The following GRID2 variants were observed in gnomAD, a reference collection of about 807,000 sequenced individuals.
GRID2 encodes glutamate ionotropic receptor delta type subunit 2, also known as glutamate receptor ionotropic, delta-2.
Under a neutral mutation model 114.8 loss-of-function variants are expected in GRID2, and 33 were observed. That is an observed-to-expected ratio of 0.29 (90% CI 0.22 to 0.38). The LOEUF (loss-of-function observed/expected upper bound fraction) is 0.38. GRID2 is among the 10% of genes least tolerant of loss of function. The probability of loss-of-function intolerance (pLI) is 1.00; values close to 1 mark genes in which losing one functional copy is unlikely to be tolerated. For missense variants in GRID2, 1,184 were observed against 1,257.7 expected, an observed-to-expected ratio of 0.94 and a Z score of 0.89; for synonymous variants, 505 against 449.9, an observed-to-expected ratio of 1.12 and a Z score of -1.55.
At chr4:92,449,676 G>GATATATAT (rs371209786) in intron 1 of GRID2, among the ~76,000 whole-genome samples, 6,397 of 96,390 alleles carry the variant, frequency 0.066, 352 homozygotes, top group South Asian at 0.087. Flanking sequence ...TTTTCTTACT[G>GATATATAT]ATATATATAT....
rs529202905 is a variant in GRID2 at position 92,934,845 on chromosome 4, C to A, written c.245-150150C>A. 2.0e-5 allele frequency among the ~76,000 whole-genome samples: 3 copies of A among 147,092 alleles called. 1 individual carries two copies. The South Asian group carries it at 6.9e-4, about 34-fold the overall frequency. On this transcript the variant is annotated intron_variant, in intron 2 of 15. Transcript: ENST00000282020. ...AAACTGACTAGCCATATGTAGAAAG[C>A]TGAAACTGGATCCCTTCCTTACACC...
At chr4:93,371,365 T>C (rs1762897773) in intron 8 of GRID2, among the ~76,000 whole-genome samples, 1 of 152,162 alleles carries the variant, frequency 6.6e-6, no homozygotes, top group African/African-American at 2.4e-5. Flanking sequence ...TATTCCTTTT[T>C]TTTTTGTTTT....
At chr4:93,335,669 TTCTC>T (rs759474503) in intron 8 of GRID2, among the ~76,000 whole-genome samples, 1 of 144,586 alleles carries the variant, frequency 6.9e-6, no homozygotes, top group African/African-American at 2.7e-5. Context: ...TTCTTGTTTT[TTCTC>T]TCTCTCTTTC....
chr4:93,429,618 A>T (rs1350155003), intron 10 of GRID2, among the ~76,000 whole-genome samples: 3 of 152,208 alleles, frequency 2.0e-5, no homozygotes, highest in African/African-American at 7.2e-5. Flanking sequence ...AAATTATATG[A>T]CAAGAATTTT....
At chr4:93,014,120 A>G (rs1384056792) in intron 2 of GRID2, among the ~76,000 whole-genome samples, 2 of 152,080 alleles carry the variant, frequency 1.3e-5, no homozygotes, top group African/African-American at 4.8e-5. Context: ...GCTTATAGAA[A>G]TATGGGTGTT....
At chr4:92,308,366 C>T (rs1421851316) in intron 1 of GRID2, among the ~76,000 whole-genome samples, 2 of 152,124 alleles carry the variant, frequency 1.3e-5, no homozygotes, top group Non-Finnish European at 2.9e-5. Context: ...AAACAGTGTA[C>T]TTATTCATAT....
rs77832872 is a variant in GRID2, at chr4:92,461,320, C to A, written c.89-128811C>A. 6.2e-4 allele frequency among the ~76,000 whole-genome samples: 95 copies of A among 152,006 alleles called. No homozygotes were observed. In the East Asian group the frequency reaches 0.018, roughly 29 times the overall value. Reference sequence around the variant, plus strand: ...CATACAGCAGGTCCTTGAATAACATCATTTTGCTCAACATCATTTTCTTAT... The same window carrying A: ...CATACAGCAGGTCCTTGAATAACATAATTTTGCTCAACATCATTTTCTTAT... On this transcript the variant is annotated intron_variant, in intron 1 of 15. Transcript: ENST00000282020.
chr4:93,184,189 A>G (rs1740171961), intron 4 of GRID2, among the ~76,000 whole-genome samples: 1 of 152,156 alleles, frequency 6.6e-6, no homozygotes, highest in Non-Finnish European at 1.5e-5. Flanking sequence ...CAAGAAAGGC[A>G]GGTTCCAGTA....
intron 4 of GRID2, among the ~76,000 whole-genome samples, chr4:93,139,356 C>G (rs1735551834): frequency 6.6e-6 from 1 of 152,138 alleles, no homozygotes. Flanking sequence ...ATACACTGAA[C>G]ACATTATTCT....
At chr4:93,188,955 T>A (rs1341704272) in intron 4 of GRID2, among the ~76,000 whole-genome samples, 1 of 152,132 alleles carries the variant, frequency 6.6e-6, no homozygotes, top group East Asian at 1.9e-4. Context: ...CAATCAATAT[T>A]CTGATCACAA....
At chr4:92,977,760 G>A (rs984350152) in intron 2 of GRID2, among the ~76,000 whole-genome samples, 2 of 152,078 alleles carry the variant, frequency 1.3e-5, no homozygotes, top group African/African-American at 4.8e-5. Context: ...GGATTTCCTG[G>A]TCAGGTGGAT....
At chr4:92,418,963 A>C (rs534161431) in intron 1 of GRID2, among the ~76,000 whole-genome samples, 2 of 143,474 alleles carry the variant, frequency 1.4e-5, no homozygotes, top group East Asian at 2.1e-4. Context: ...TGTTGTACTC[A>C]TATCTCTCTC....
intron 10 of GRID2, among the ~76,000 whole-genome samples, chr4:93,434,119 A>T (rs1343402312): frequency 6.6e-6 from 1 of 152,216 alleles, no homozygotes; most frequent in Non-Finnish European, 1.5e-5. Flanking sequence ...GAACCAAGAA[A>T]ATGAATTCAA....
intron 1 of GRID2, among the ~76,000 whole-genome samples, chr4:92,411,690 A>T (rs1175035028): frequency 9.4e-6 from 1 of 106,604 alleles, no homozygotes; most frequent in African/African-American, 4.1e-5. Flanking sequence ...AAATATACCC[A>T]CAGTGTATTT....
chr4:93,729,624 C>T (rs1367922373), intron 14 of GRID2, among the ~76,000 whole-genome samples: 2 of 151,974 alleles, frequency 1.3e-5, no homozygotes, highest in Non-Finnish European at 2.9e-5. Flanking sequence ...TGGCTCACTG[C>T]AATCTCCACC....
At chr4:93,214,730 T>G (rs2149480143) in intron 5 of GRID2, among the ~76,000 whole-genome samples, 1 of 152,146 alleles carries the variant, frequency 6.6e-6, no homozygotes, top group South Asian at 2.1e-4. Flanking sequence ...TAACCACCCC[T>G]TTTCCCTTTT....
intron 8 of GRID2, among the ~76,000 whole-genome samples, chr4:93,348,661 G>T (rs1346855354): frequency 6.6e-6 from 1 of 152,078 alleles, no homozygotes; most frequent in African/African-American, 2.4e-5. Context: ...GGGGACATTG[G>T]CACTCATAGA....
intron 2 of GRID2, among the ~76,000 whole-genome samples, chr4:92,695,175 C>T (rs1487692135): frequency 6.6e-6 from 1 of 151,914 alleles, no homozygotes; most frequent in Non-Finnish European, 1.5e-5. Flanking sequence ...TATATTGCCC[C>T]GTCTGGTCTC....
At chr4:92,700,599 T>C (rs1197545478) in intron 2 of GRID2, among the ~76,000 whole-genome samples, 6 of 152,140 alleles carry the variant, frequency 3.9e-5, no homozygotes. Context: ...ACCTACTAGG[T>C]ACAAATATGG....
Sources: gnomAD v4.1 joint callset for allele counts (sites outside exome capture counted in the v4.1 genomes callset) on GRCh38, gnomAD v4.1.1 for gene constraint, MANE v1.5 for transcripts, NCBI Gene and HGNC (gene_info 2026-07-23, HGNC 2026-07-21) for gene names.